Variants in LRRC49 observed in about 807,000 individuals in gnomAD.
The protein encoded by LRRC49 is leucine rich repeat containing 49, also known as leucine-rich repeat-containing protein 49.
In LRRC49, 50 loss-of-function variants were observed where a neutral mutation model predicts 83.3. The ratio of observed to expected loss-of-function variants is 0.60; its 90% CI spans 0.48 to 0.76. The LOEUF (loss-of-function observed/expected upper bound fraction) is 0.76, where lower values mean the gene tolerates loss of function less well. Ranked by LOEUF, LRRC49 falls within the 30% of genes least tolerant of loss-of-function variation. The pLI is 0.00. For synonymous variants in LRRC49, 286 were observed against 283.3 expected, an observed-to-expected ratio of 1.01 and a Z score of -0.10; for missense variants, 704 against 809.1, an observed-to-expected ratio of 0.87 and a Z score of 1.58.
chr15:70,934,200 CAGGTCT>C (rs2141154593), intron 7 of LRRC49, among the ~76,000 whole-genome samples: 1 of 152,260 alleles, frequency 6.6e-6, no homozygotes, highest in East Asian at 1.9e-4. Flanking sequence ...TAGTTTTTAA[CAGGTCT>C]TTCTTCTGTA....
chr15:70,892,726 C>T, upstream of LRRC49: 1 of 1,490,468 alleles, frequency 6.7e-7, no homozygotes, highest in Non-Finnish European at 8.9e-7. Flanking sequence ...GAAGCTGCAA[C>T]GACTGTGTGG....
At chr15:70,881,520 A>G (rs2033263636) in intron 2 of LRRC49, 1 of 152,194 alleles carries the variant, frequency 6.6e-6, no homozygotes, top group Non-Finnish European at 1.5e-5. Context: ...GTTATTCTCA[A>G]TGGAAGATCA....
At chr15:70,857,122 C>CT (rs1297784646) in intron 1 of LRRC49, among the ~76,000 whole-genome samples, 1 of 152,154 alleles carries the variant, frequency 6.6e-6, no homozygotes, top group Non-Finnish European at 1.5e-5. Context: ...GGGGAAACAG[C>CT]TTTTTCCATA....
At chr15:70,936,023 CT>C (rs2035583939) in intron 7 of LRRC49, among the ~76,000 whole-genome samples, 1 of 151,944 alleles carries the variant, frequency 6.6e-6, no homozygotes. Context: ...AATTAGGTAG[CT>C]TTTACTTTAT....
At chr15:71,001,072 A>G (rs2038238231) in intron 11 of LRRC49, among the ~76,000 whole-genome samples, 1 of 152,178 alleles carries the variant, frequency 6.6e-6, no homozygotes, top group South Asian at 2.1e-4. Context: ...TTAGGAAAAC[A>G]AGTCCTTTAC....
At chr15:70,981,334 G>T in intron 10 of LRRC49, among the ~76,000 whole-genome samples, 1 of 148,390 alleles carries the variant, frequency 6.7e-6, no homozygotes, top group Non-Finnish European at 1.5e-5. Flanking sequence ...TCACACACCG[G>T]GGCCTGTTGG....
Position 71,037,221 on chromosome 15 carries a change from A to AG in LRRC49, c.1746_1747insG (p.Pro583AlafsTer9). On this transcript the variant is annotated frameshift_variant, in exon 15 of 16. Coordinates refer to ENST00000260382, the MANE Select transcript of LRRC49 (RefSeq NM_017691.5). LOFTEE classifies it high-confidence loss of function. ...ATCTACTAGAATCCAAAGGAAAAAA[A>AG]CCTGGTATTATCAACGAAGAAAATA... 6.2e-7 allele frequency: 1 copy of AG among 1,611,022 alleles called. No individual in the cohort carries two copies. The highest frequency in any genetic ancestry group is 8.5e-7 in the Non-Finnish European group (1 of 1,178,360).
chr15:70,972,096 T>C (rs2037025883), intron 9 of LRRC49, among the ~76,000 whole-genome samples: 1 of 152,220 alleles, frequency 6.6e-6, no homozygotes, highest in African/African-American at 2.4e-5. Context: ...CTTTACACTT[T>C]GGTTTGTTTT....
intron 8 of LRRC49, among the ~76,000 whole-genome samples, chr15:70,945,133 G>A (rs180757952): frequency 3.9e-5 from 6 of 152,160 alleles, no homozygotes; most frequent in Admixed American, 3.3e-4. Flanking sequence ...CCAAATTCCA[G>A]TAGCCTCAAC....
intron 6 of LRRC49, among the ~76,000 whole-genome samples, chr15:70,914,321 T>C (rs2034673254): frequency 6.6e-6 from 1 of 152,188 alleles, no homozygotes; most frequent in Non-Finnish European, 1.5e-5. Context: ...TAAGTGAATG[T>C]TTTTTGTCTT....
At chr15:70,909,592 G>C (rs2034460390) in intron 5 of LRRC49, among the ~76,000 whole-genome samples, 1 of 152,160 alleles carries the variant, frequency 6.6e-6, no homozygotes, top group Non-Finnish European at 1.5e-5. Context: ...TGGAATCCCA[G>C]CACTTTGGGA....
chr15:70,871,153 C>T lies in LRRC49; in HGVS notation c.-298-1755C>T, dbSNP rs574557981. On this transcript the variant is annotated intron_variant, in intron 1 of 16. Coordinates refer to the LRRC49 transcript ENST00000544974. ...ACTTGAGATTAGGGAGTGGTGATGA[C>T]TCTTAACGAGTATGCTGCCTTCAAG... Among the ~76,000 whole-genome samples, 1,210 of 151,926 alleles carry T rather than the reference C, an allele frequency of 8.0e-3. 9 individuals carry two copies. The highest frequency in any genetic ancestry group is 0.017 in the African/African-American group (709 of 41,418).
chr15:70,889,366 C>G (rs539628018), upstream of LRRC49, among the ~76,000 whole-genome samples: 59 of 152,088 alleles, frequency 3.9e-4, no homozygotes, highest in Middle Eastern at 3.4e-3. Context: ...AATCCCCCCC[C>G]CAAAAAAAAG....
At chr15:71,000,621 T>C (rs1265236818) in intron 11 of LRRC49, among the ~76,000 whole-genome samples, 1 of 152,172 alleles carries the variant, frequency 6.6e-6, no homozygotes, top group East Asian at 1.9e-4. Flanking sequence ...TGCCCCATAT[T>C]TGAGCCATGC....
At chr15:70,910,268 G>A (rs964817532) in intron 5 of LRRC49, among the ~76,000 whole-genome samples, 44 of 152,152 alleles carry the variant, frequency 2.9e-4, no homozygotes, top group African/African-American at 1.1e-3. Context: ...TCTTGATTTG[G>A]CAATGATATA....
intron 11 of LRRC49, among the ~76,000 whole-genome samples, chr15:70,996,688 G>A (rs566130124): frequency 6.6e-6 from 1 of 152,208 alleles, no homozygotes; most frequent in East Asian, 1.9e-4. Context: ...TTTGTAATGT[G>A]TATCTAAATC....
rs1042765913 is a variant in LRRC49 at position 70,876,760 on chromosome 15, T to C, written c.18+3537T>C. The stretch of plus-strand genomic sequence containing the variant: ...CTTTCCTCACTCTAGGTCAATATTT[T>C]ACCTTCTCAAGCCAGGACTATTGCA... On this transcript the variant is annotated intron_variant, in intron 2 of 16. Transcript: ENST00000544974. Among the ~76,000 whole-genome samples the C allele has an allele frequency of 8.5e-5, 13 of 152,340 alleles. No individual in the cohort carries two copies. The South Asian group carries it at 2.7e-3, about 32-fold the overall frequency.
chr15:70,915,646 A>G (rs575834322), intron 6 of LRRC49, among the ~76,000 whole-genome samples: 6 of 152,104 alleles, frequency 3.9e-5, no homozygotes, highest in Admixed American at 1.3e-4. Flanking sequence ...TACAGTATCT[A>G]TTTTCCTTTT....
upstream of LRRC49, chr15:70,891,951 G>A: frequency 6.2e-7 from 1 of 1,613,588 alleles, no homozygotes; most frequent in Non-Finnish European, 8.5e-7. Context: ...GTGTCCAGGC[G>A]GCCTGCTTGG....
Sources: allele counts gnomAD v4.1 joint callset (sites outside exome capture counted in the v4.1 genomes callset), GRCh38; gene constraint gnomAD v4.1.1; transcripts MANE v1.5; gene names NCBI Gene and HGNC (gene_info 2026-07-23, HGNC 2026-07-21).